SLCO1A2: variants seen among roughly 807,000 people sequenced by gnomAD.
SLCO1A2 encodes solute carrier organic anion transporter family member 1A2.
A neutral mutation model predicts 69.0 loss-of-function variants in SLCO1A2; 67 were observed. That is an observed-to-expected ratio of 0.97 (90% CI 0.80 to 1.19). SLCO1A2 has a LOEUF of 1.19. Ranked by LOEUF, SLCO1A2 falls within the 50% of genes most tolerant of loss-of-function variation. The pLI, the probability that SLCO1A2 is intolerant of heterozygous loss-of-function variation, is 0.00. For missense variants in SLCO1A2, 787 were observed against 793.7 expected (o/e 0.99, Z 0.10); for synonymous variants, 260 against 265.9 (o/e 0.98, Z 0.22).
At chr12:21,288,491 G>A (rs1043521984) in intron 12 of SLCO1A2, among the ~76,000 whole-genome samples, 2 of 152,016 alleles carry the variant, frequency 1.3e-5, no homozygotes, top group Admixed American at 6.6e-5. Context: ...ATAGAGAGCA[G>A]AAGGGTTGTT....
chr12:21,373,728 C>A, intron 2 of SLCO1A2: 1 of 701,228 alleles, frequency 1.4e-6, no homozygotes, highest in South Asian at 1.5e-5. Context: ...GGAAAAAAAT[C>A]AAAAGGTAGT....
intron 1 of SLCO1A2, among the ~76,000 whole-genome samples, chr12:21,407,921 T>C (rs1164335730): frequency 6.6e-6 from 1 of 151,756 alleles, no homozygotes; most frequent in Non-Finnish European, 1.5e-5. Flanking sequence ...CCAGGCAAGA[T>C]ATGGTCAATG....
At chr12:21,278,218 C>T (rs748503718) in intron 12 of SLCO1A2, among the ~76,000 whole-genome samples, 2 of 152,074 alleles carry the variant, frequency 1.3e-5, no homozygotes, top group Non-Finnish European at 2.9e-5. Flanking sequence ...AGTGCCACCT[C>T]AGCCACACTA....
At chr12:21,313,265 A>G (rs768116206) in intron 4 of SLCO1A2, among the ~76,000 whole-genome samples, 6 of 152,256 alleles carry the variant, frequency 3.9e-5, no homozygotes, top group African/African-American at 9.6e-5. Context: ...AAGTGAGCAC[A>G]TGCTGTTGGA....
chr12:21,293,753 A>C (rs1453052829), intron 11 of SLCO1A2, among the ~76,000 whole-genome samples, 192 bp downstream of exon 11: 1 of 152,130 alleles, frequency 6.6e-6, no homozygotes, highest in Non-Finnish European at 1.5e-5. Flanking sequence ...GTCAGATGCT[A>C]TGGAGGTTTC....
At chr12:21,283,265 A>G (rs1465853528) in intron 12 of SLCO1A2, among the ~76,000 whole-genome samples, 4 of 152,158 alleles carry the variant, frequency 2.6e-5, no homozygotes, top group African/African-American at 9.6e-5. Flanking sequence ...AAAAAAATCC[A>G]TTCATCTATG....
intron 11 of SLCO1A2, among the ~76,000 whole-genome samples, 157 bp from the exon 12 acceptor site, chr12:21,292,493 T>G (rs1947030723): frequency 6.6e-6 from 1 of 152,150 alleles, no homozygotes. Flanking sequence ...ATAACAAAAC[T>G]GGAAGGGTGA....
At position 21,303,624 on chromosome 12, in the gene SLCO1A2, A is replaced by T. The variant is rs528426001; in HGVS notation, c.589+803T>A. Among the ~76,000 whole-genome samples the T allele has an allele frequency of 5.3e-5, 8 of 152,352 alleles. No homozygotes were observed. In the East Asian group the frequency reaches 1.5e-3, roughly 29 times the overall value. ...ACCAACTATTGATAGAATAACAAAA[A>T]ATATAAGCAAGTCGTGCATAATAAA... On this transcript the variant is annotated intron_variant, in intron 6 of 14. Transcript: ENST00000683939.
At chr12:21,413,028 C>A (rs1565535388) in intron 1 of SLCO1A2, among the ~76,000 whole-genome samples, 1 of 152,202 alleles carries the variant, frequency 6.6e-6, no homozygotes, top group East Asian at 1.9e-4. Flanking sequence ...GAATTTCTAT[C>A]CACCAAAGTA....
At chr12:21,416,312 CA>C (rs142436768) in intron 1 of SLCO1A2, among the ~76,000 whole-genome samples, 6,389 of 151,204 alleles carry the variant, frequency 0.042, 177 homozygotes, top group Non-Finnish European at 0.049. Context: ...ACAATTAAAT[CA>C]GGAAAGGGAA....
intron 2 of SLCO1A2, among the ~76,000 whole-genome samples, chr12:21,347,692 G>GGAAGGAAGGAAGGAAGGAAA (rs1487396686): frequency 5.6e-5 from 8 of 142,418 alleles, no homozygotes; most frequent in Admixed American, 4.1e-4. Flanking sequence ...AAGGAAGGAA[G>GGAAGGAAGGAAGGAAGGAAA]GAAGGAAGAA....
chr12:21,400,950 C>T (rs1040913745), intron 1 of SLCO1A2, among the ~76,000 whole-genome samples: 2 of 149,590 alleles, frequency 1.3e-5, no homozygotes, highest in African/African-American at 4.9e-5. Context: ...GTGGGTGCAG[C>T]TCACCAGCAT....
At chr12:21,412,285 G>A (rs750895442) in intron 1 of SLCO1A2, among the ~76,000 whole-genome samples, 2 of 152,026 alleles carry the variant, frequency 1.3e-5, no homozygotes, top group Admixed American at 6.5e-5. Context: ...GGAGGCTGAG[G>A]TGGGAGAATC....
upstream of SLCO1A2, among the ~76,000 whole-genome samples, chr12:21,398,840 A>C (rs1448118360): frequency 6.7e-6 from 1 of 148,488 alleles, no homozygotes. Context: ...CATGCTAAAA[A>C]CTCTCAATAA....
At chr12:21,273,920 C>G (rs959292650) in intron 14 of SLCO1A2, 2 of 151,690 alleles carry the variant, frequency 1.3e-5, no homozygotes, top group Non-Finnish European at 2.9e-5. Flanking sequence ...CTCAAATTTC[C>G]GAATGAAAAA....
At chr12:21,415,363 C>A (rs894524426) in intron 1 of SLCO1A2, among the ~76,000 whole-genome samples, 1 of 152,176 alleles carries the variant, frequency 6.6e-6, no homozygotes, top group Non-Finnish European at 1.5e-5. Context: ...AAAGCAGCAA[C>A]AAATGTTTAT....
At chr12:21,318,064 T>C (rs1417206851) in intron 3 of SLCO1A2, among the ~76,000 whole-genome samples, 1 of 152,152 alleles carries the variant, frequency 6.6e-6, no homozygotes, top group Non-Finnish European at 1.5e-5. Flanking sequence ...TGCATTTTCA[T>C]TTGTAAGGCA....
exon 1 of SLCO1A2, chr12:21,395,068 G>A (rs544978698): frequency 4.6e-4 from 73 of 158,528 alleles, no homozygotes; most frequent in East Asian, 3.0e-3. Flanking sequence ...CCCAGCGTGA[G>A]CGACGCAGAA....
At chr12:21,355,156 T>C (rs1373081885) in intron 2 of SLCO1A2, 1 of 152,202 alleles carries the variant, frequency 6.6e-6, no homozygotes, top group African/African-American at 2.4e-5. Flanking sequence ...ATTTCCCGTG[T>C]TGGCAATTTT....
Sources: gnomAD v4.1 joint callset for allele counts (sites outside exome capture counted in the v4.1 genomes callset) on GRCh38, gnomAD v4.1.1 for gene constraint, MANE v1.5 for transcripts, NCBI Gene and HGNC (gene_info 2026-07-23, HGNC 2026-07-21) for gene names.